Variants in CDH18 observed in about 807,000 individuals in gnomAD.
CDH18 encodes the protein cadherin-18.
CDH18 carries 31 observed loss-of-function variants against 67.9 expected under a neutral mutation model. The observed-to-expected ratio is 0.46, with a 90% CI of 0.34 to 0.62. The LOEUF (loss-of-function observed/expected upper bound fraction) is 0.62, where lower values mean the gene tolerates loss of function less well. Among genes scored for constraint, CDH18 ranks in the 20% least tolerant of loss-of-function variants. CDH18 has a pLI of 0.01. For missense variants in CDH18, 890 were observed against 975.5 expected (o/e 0.91, Z 1.17); for synonymous variants, 362 against 347.2 (o/e 1.04, Z -0.48).
In CDH18 at chr5:19,483,317, A is replaced by G. The variant is rs1192799157; in HGVS notation, c.1866T>C (p.Cys622=). The change falls in exon 12 of 13, where the codon TGT becomes TGC. Residue 622 remains cysteine (C), a synonymous_variant. Coordinates refer to ENST00000382275, the MANE Select transcript of CDH18 (RefSeq NM_004934.5). ...STGALIAILL[C]VLILLAIVVL... ...ATGACTTACCCAGGAGAATGAGAAC[A>G]CAGAGAAGAATAGCGATTAAGGCTC... The G allele has an allele frequency of 1.7e-5, 27 of 1,613,478 alleles. No individual in the cohort carries two copies. The highest frequency in any genetic ancestry group is 2.2e-5 in the Non-Finnish European group (26 of 1,179,730).
intron 5 of CDH18, among the ~76,000 whole-genome samples, chr5:19,656,823 A>G (rs192350579): frequency 3.5e-3 from 525 of 151,988 alleles, no homozygotes; most frequent in South Asian, 5.6e-3. Context: ...GCAGAACATT[A>G]TATGTCTAGA....
chr5:19,680,133 G>A lies in CDH18; in HGVS notation c.643+41214C>T, dbSNP rs954043861. Among the ~76,000 whole-genome samples the A allele has an allele frequency of 6.0e-5, 9 of 151,234 alleles. No individual in the cohort carries two copies. The East Asian group carries it at 7.8e-4, about 13-fold the overall frequency. ...AAGAATAGAGAGCTGCACATGTACC[G>A]CCATCTGATCTTTGACAAATTTGAC... is the stretch of plus-strand genomic sequence containing the variant. On this transcript the variant is annotated intron_variant, in intron 5 of 12. Coordinates refer to ENST00000382275, the MANE Select transcript of CDH18 (RefSeq NM_004934.5).
At chr5:19,858,375 A>G (rs967817804) in intron 2 of CDH18, among the ~76,000 whole-genome samples, 1 of 152,210 alleles carries the variant, frequency 6.6e-6, no homozygotes, top group African/African-American at 2.4e-5. Context: ...TCTCTCCCAG[A>G]TCAGGAAAAA....
intron 4 of CDH18, among the ~76,000 whole-genome samples, chr5:19,731,389 T>G (rs923517156): frequency 2.6e-5 from 4 of 152,118 alleles, no homozygotes; most frequent in African/African-American, 9.7e-5. Context: ...AGGCAGAGCT[T>G]GTAGTGAGCC....
intron 1 of CDH18, among the ~76,000 whole-genome samples, chr5:20,526,890 C>A (rs1045989849): frequency 6.6e-6 from 1 of 152,024 alleles, no homozygotes; most frequent in African/African-American, 2.4e-5. Flanking sequence ...TGCAACACCT[C>A]TCCAGCAAGG....
rs144819443 is a variant in CDH18 at position 20,433,613 on chromosome 5, C to A, written c.-580+141849G>T. Reference sequence around the variant, plus strand: ...GATATTTGAGGAGGAGAGTTGAGCACCTCAGGATTTGACCTGTTAGGTTTC... The same window carrying A: ...GATATTTGAGGAGGAGAGTTGAGCAACTCAGGATTTGACCTGTTAGGTTTC... On this transcript the variant is annotated intron_variant, in intron 1 of 14. Transcript: ENST00000507958. Among the ~76,000 whole-genome samples, 209 of 152,014 alleles carry A rather than the reference C, an allele frequency of 1.4e-3. 3 individuals are homozygous for A. The East Asian group carries it at 0.035, about 25-fold the overall frequency.
intron 2 of CDH18, among the ~76,000 whole-genome samples, chr5:20,036,941 C>CT (rs898462440): frequency 1.2e-4 from 18 of 150,768 alleles, no homozygotes; most frequent in Admixed American, 4.0e-4. Flanking sequence ...GCAACCCCTG[C>CT]TTTTTTTTTG....
At chr5:20,193,392 G>A (rs1008503374) in intron 2 of CDH18, among the ~76,000 whole-genome samples, 1 of 151,990 alleles carries the variant, frequency 6.6e-6, no homozygotes, top group Non-Finnish European at 1.5e-5. Context: ...CCAGGAAGAA[G>A]CTGAATCCCT....
chr5:20,022,081 A>T (rs1001544064), intron 2 of CDH18, among the ~76,000 whole-genome samples: 1 of 152,140 alleles, frequency 6.6e-6, no homozygotes, highest in African/African-American at 2.4e-5. Context: ...GTCTATTGTT[A>T]TTTTCTTATT....
chr5:20,575,608 A>T (rs1398780066), exon 1 of CDH18: 6 of 152,050 alleles, frequency 3.9e-5, no homozygotes, highest in Non-Finnish European at 5.9e-5. Context: ...TTCTTGCTGG[A>T]GCTCAGAGCT....
chr5:20,129,008 T>C (rs1039614144), intron 2 of CDH18, among the ~76,000 whole-genome samples: 1 of 152,004 alleles, frequency 6.6e-6, no homozygotes, highest in Non-Finnish European at 1.5e-5. Flanking sequence ...AAGAGTATAC[T>C]CTTGAGAAAT....
intron 2 of CDH18, among the ~76,000 whole-genome samples, chr5:19,922,629 A>C (rs1561565609): frequency 6.6e-6 from 1 of 152,172 alleles, no homozygotes; most frequent in Non-Finnish European, 1.5e-5. Context: ...CTGAGCTGCT[A>C]TGTACTTGGG....
intron 2 of CDH18, among the ~76,000 whole-genome samples, chr5:19,936,902 T>C (rs2150217546): frequency 6.6e-6 from 1 of 151,314 alleles, no homozygotes; most frequent in East Asian, 1.9e-4. Flanking sequence ...ATTATACATA[T>C]AGATACAGAT....
intron 8 of CDH18, among the ~76,000 whole-genome samples, chr5:19,567,289 A>G (rs374906605): frequency 1.3e-5 from 2 of 152,310 alleles, no homozygotes; most frequent in East Asian, 1.9e-4. Flanking sequence ...TATATTCTCT[A>G]TGAAATCTGA....
chr5:19,595,572 C>T (rs1309468651), intron 6 of CDH18, among the ~76,000 whole-genome samples: 8 of 152,092 alleles, frequency 5.3e-5, no homozygotes, highest in Admixed American at 2.6e-4. Flanking sequence ...TGCAGTGAGC[C>T]GACGTTGTGC....
intron 1 of CDH18, among the ~76,000 whole-genome samples, chr5:20,422,874 T>A (rs1441221554): frequency 6.6e-6 from 1 of 150,964 alleles, no homozygotes; most frequent in East Asian, 1.9e-4. Context: ...ATAGCAGAAG[T>A]CAGAAGGTTG....
intron 1 of CDH18, among the ~76,000 whole-genome samples, chr5:20,461,345 C>T (rs942697150): frequency 2.0e-5 from 3 of 152,050 alleles, no homozygotes; most frequent in African/African-American, 2.4e-5. Context: ...CATATTTCTC[C>T]GTGTGTATCC....
intron 1 of CDH18, among the ~76,000 whole-genome samples, chr5:20,420,121 T>C (rs1747745621): frequency 6.6e-6 from 1 of 151,128 alleles, no homozygotes; most frequent in Non-Finnish European, 1.5e-5. Flanking sequence ...GGCTGCATTT[T>C]GTTGAATTAA....
chr5:20,574,100 A>G (rs933246633), intron 1 of CDH18, among the ~76,000 whole-genome samples: 3 of 151,560 alleles, frequency 2.0e-5, no homozygotes, highest in African/African-American at 7.2e-5. Flanking sequence ...TGATACGATT[A>G]TATCAATAGA....
Sources: gnomAD v4.1 joint callset for allele counts (sites outside exome capture counted in the v4.1 genomes callset) on GRCh38, gnomAD v4.1.1 for gene constraint, MANE v1.5 for transcripts, NCBI Gene and HGNC (gene_info 2026-07-23, HGNC 2026-07-21) for gene names.